Variants in GRID2 observed in about 807,000 individuals in gnomAD.
The protein encoded by GRID2 is glutamate ionotropic receptor delta type subunit 2, also known as glutamate receptor ionotropic, delta-2.
A neutral mutation model predicts 114.8 loss-of-function variants in GRID2; 33 were observed. The observed-to-expected ratio is 0.29, with a 90% CI of 0.22 to 0.38. The LOEUF (loss-of-function observed/expected upper bound fraction) is 0.38. Among genes scored for constraint, GRID2 ranks in the 10% least tolerant of loss-of-function variants. GRID2 has a pLI of 1.00. For missense variants in GRID2, 1,184 were observed against 1,257.7 expected (o/e 0.94, Z 0.89); for synonymous variants, 505 against 449.9 (o/e 1.12, Z -1.55).
intron 12 of GRID2, among the ~76,000 whole-genome samples, chr4:93,505,087 T>TAAAA (rs1728502047): frequency 6.6e-6 from 1 of 151,918 alleles, no homozygotes; most frequent in East Asian, 1.9e-4. Flanking sequence ...AGTATCTTAT[T>TAAAA]AAAAAAAACA....
chr4:92,639,451 G>A (rs911562913), intron 2 of GRID2, among the ~76,000 whole-genome samples: 1 of 151,658 alleles, frequency 6.6e-6, no homozygotes, highest in African/African-American at 2.4e-5. Context: ...CATTGAAAGA[G>A]CCTAATGAAA....
intron 1 of GRID2, among the ~76,000 whole-genome samples, chr4:92,475,055 CACATGTAT>C (rs1332684062): frequency 6.7e-6 from 1 of 149,160 alleles, no homozygotes; most frequent in African/African-American, 2.5e-5. Flanking sequence ...ACCAGCATGG[CACATGTAT>C]ACATATGCAA....
At chr4:93,102,134 T>G (rs1235445661) in intron 3 of GRID2, among the ~76,000 whole-genome samples, 1 of 152,312 alleles carries the variant, frequency 6.6e-6, no homozygotes, top group East Asian at 1.9e-4. Context: ...TTGACTCATG[T>G]AGTTTGAAAG....
intron 1 of GRID2, among the ~76,000 whole-genome samples, chr4:92,459,263 TATA>T (rs1370396567): frequency 6.6e-6 from 1 of 152,184 alleles, no homozygotes; most frequent in East Asian, 1.9e-4. Flanking sequence ...ATGTAAGTCA[TATA>T]ATTGTTATAA....
At chr4:92,316,707 A>G (rs1017661760) in intron 1 of GRID2, among the ~76,000 whole-genome samples, 2 of 151,966 alleles carry the variant, frequency 1.3e-5, no homozygotes, top group Admixed American at 6.6e-5. Flanking sequence ...GTGGTCTACT[A>G]TGGCACTGGA....
rs540993702 is a variant in GRID2, at chr4:93,385,404, C to T, written c.1246-10203C>T. Among the ~76,000 whole-genome samples, 152 of 152,250 alleles carry T rather than the reference C, an allele frequency of 1.0e-3. 1 individual carries two copies. The highest frequency in any genetic ancestry group is 3.6e-3 in the African/African-American group (149 of 41,554). ...TTATGAGACTAACTGATTTATTCCT[C>T]ATCTTGAAATAAAACCTGCATGCCA... is the stretch of plus-strand genomic sequence containing the variant. On this transcript the variant is annotated intron_variant, in intron 8 of 15. Coordinates refer to ENST00000282020, the MANE Select transcript of GRID2 (RefSeq NM_001510.4).
At chr4:92,741,444 A>G (rs1736889086) in intron 2 of GRID2, among the ~76,000 whole-genome samples, 1 of 152,162 alleles carries the variant, frequency 6.6e-6, no homozygotes, top group Non-Finnish European at 1.5e-5. Flanking sequence ...AGGTCATATA[A>G]TTTTCACACT....
intron 3 of GRID2, among the ~76,000 whole-genome samples, chr4:93,092,181 G>A (rs192454546): frequency 6.6e-6 from 1 of 152,190 alleles, no homozygotes; most frequent in East Asian, 1.9e-4. Context: ...TAGAGAGCGA[G>A]GAAGATACGC....
intron 2 of GRID2, among the ~76,000 whole-genome samples, chr4:92,624,228 C>T (rs1160359749): frequency 6.6e-6 from 1 of 151,840 alleles, no homozygotes; most frequent in African/African-American, 2.4e-5. Flanking sequence ...AAACTTAAGG[C>T]ACACAGAGGT....
intron 4 of GRID2, among the ~76,000 whole-genome samples, chr4:93,136,827 A>AG (rs1331057008): frequency 6.6e-5 from 10 of 152,292 alleles, no homozygotes; most frequent in Middle Eastern, 3.4e-3. Flanking sequence ...GGGAGATAAA[A>AG]GGAACAATGA....
chr4:92,859,329 TTGA>T (rs1259609986), intron 2 of GRID2, among the ~76,000 whole-genome samples: 2 of 152,194 alleles, frequency 1.3e-5, no homozygotes, highest in Non-Finnish European at 2.9e-5. Context: ...AATGCTATTG[TTGA>T]TTTGATAGAC....
chr4:93,461,196 A>T (rs900826492), intron 11 of GRID2, among the ~76,000 whole-genome samples: 1 of 152,146 alleles, frequency 6.6e-6, no homozygotes, highest in African/African-American at 2.4e-5. Flanking sequence ...ATGACAGATA[A>T]TGCTGAATCG....
chr4:93,250,363 G>T (rs1346785992), intron 8 of GRID2, among the ~76,000 whole-genome samples: 1 of 151,640 alleles, frequency 6.6e-6, no homozygotes, highest in Non-Finnish European at 1.5e-5. Context: ...GGTGCTGTGT[G>T]GGGGATAGCA....
chr4:92,447,637 A>G (rs966608846), intron 1 of GRID2, among the ~76,000 whole-genome samples: 1 of 152,180 alleles, frequency 6.6e-6, no homozygotes, highest in Non-Finnish European at 1.5e-5. Flanking sequence ...ACAGAAATTT[A>G]TTTTTCACAG....
chr4:93,028,288 C>G (rs1441949877), intron 2 of GRID2, among the ~76,000 whole-genome samples: 1 of 152,004 alleles, frequency 6.6e-6, no homozygotes, highest in East Asian at 1.9e-4. Context: ...AAGAAGGTAT[C>G]TAGAACAGTA....
At chr4:92,703,324 T>A (rs1178720791) in intron 2 of GRID2, among the ~76,000 whole-genome samples, 1 of 152,124 alleles carries the variant, frequency 6.6e-6, no homozygotes, top group East Asian at 1.9e-4. Flanking sequence ...AGCAAGGTTT[T>A]GGAAATTGGA....
intron 14 of GRID2, among the ~76,000 whole-genome samples, chr4:93,717,746 G>A (rs1190820547): frequency 3.3e-5 from 5 of 151,930 alleles, no homozygotes; most frequent in Non-Finnish European, 7.4e-5. Flanking sequence ...AAGGTGATAC[G>A]CCTTTTATAG....
intron 13 of GRID2, among the ~76,000 whole-genome samples, chr4:93,545,762 G>C: frequency 6.6e-6 from 1 of 151,916 alleles, no homozygotes; most frequent in East Asian, 1.9e-4. Context: ...GCAAATATCA[G>C]TACACTTTAC....
intron 1 of GRID2, among the ~76,000 whole-genome samples, chr4:92,464,222 A>T (rs1345472572): frequency 6.6e-6 from 1 of 152,084 alleles, no homozygotes; most frequent in Non-Finnish European, 1.5e-5. Context: ...TAGTGGAAAT[A>T]GCACAGCTCT....
Sources: gnomAD v4.1 joint callset for allele counts (sites outside exome capture counted in the v4.1 genomes callset) on GRCh38, gnomAD v4.1.1 for gene constraint, MANE v1.5 for transcripts, NCBI Gene and HGNC (gene_info 2026-07-23, HGNC 2026-07-21) for gene names.